The following NRXN1 variants were observed in gnomAD, a reference collection of about 807,000 sequenced individuals.
The protein encoded by NRXN1 is neurexin-1.
NRXN1 carries 39 observed loss-of-function variants against 150.9 expected under a neutral mutation model. That is an observed-to-expected ratio of 0.26 (90% CI 0.20 to 0.34). The LOEUF is 0.34. NRXN1 is among the 10% of genes least tolerant of loss of function. The pLI, the probability that NRXN1 is intolerant of heterozygous loss-of-function variation, is 1.00. For missense variants in NRXN1, 1,815 were observed against 1,949.9 expected, an observed-to-expected ratio of 0.93 and a Z score of 1.30; for synonymous variants, 924 against 757.0, an observed-to-expected ratio of 1.22 and a Z score of -3.62.
chr2:50,178,486 T>G (rs998272908), intron 18 of NRXN1, among the ~76,000 whole-genome samples: 4 of 152,100 alleles, frequency 2.6e-5, no homozygotes, highest in Admixed American at 6.6e-5. Flanking sequence ...TGAGACATAC[T>G]GCCCACAAAA....
intron 17 of NRXN1, among the ~76,000 whole-genome samples, chr2:50,433,986 T>C (rs1436808695): frequency 6.6e-6 from 1 of 151,806 alleles, no homozygotes; most frequent in Non-Finnish European, 1.5e-5. Context: ...AGGTTCTGAC[T>C]TTCACATTAA....
intron 17 of NRXN1, among the ~76,000 whole-genome samples, chr2:50,436,007 ATAAC>A (rs1325740486): frequency 1.3e-5 from 2 of 152,216 alleles, no homozygotes; most frequent in Non-Finnish European, 2.9e-5. Flanking sequence ...TATTTTACAT[ATAAC>A]TAACATAAGC....
intron 17 of NRXN1, among the ~76,000 whole-genome samples, chr2:50,443,864 G>T (rs866546167): frequency 2.0e-5 from 3 of 152,190 alleles, no homozygotes; most frequent in South Asian, 4.2e-4. Context: ...TGTCTGTGGG[G>T]ATTTTTTTCT....
chr2:50,210,290 A>G (rs1177812893), intron 18 of NRXN1, among the ~76,000 whole-genome samples: 1 of 151,936 alleles, frequency 6.6e-6, no homozygotes, highest in East Asian at 1.9e-4. Flanking sequence ...GTTTATTCAA[A>G]AAACTCTAAA....
intron 19 of NRXN1, among the ~76,000 whole-genome samples, chr2:50,057,169 T>A (rs1693785529): frequency 6.6e-6 from 1 of 152,166 alleles, no homozygotes. Context: ...GTGAAATTTG[T>A]AAGTACTTCC....
chr2:50,422,113 T>C (rs2084044818), intron 17 of NRXN1, among the ~76,000 whole-genome samples: 1 of 152,184 alleles, frequency 6.6e-6, no homozygotes, highest in Admixed American at 6.5e-5. Context: ...AGAAATATCA[T>C]GTTAAACTTG....
At chr2:50,162,134 C>G (rs964308781) in intron 18 of NRXN1, among the ~76,000 whole-genome samples, 1 of 151,982 alleles carries the variant, frequency 6.6e-6, no homozygotes, top group African/African-American at 2.4e-5. Context: ...AAAGTTATGC[C>G]CAAATTGCTC....
intron 17 of NRXN1, among the ~76,000 whole-genome samples, chr2:50,322,914 A>C (rs1193028362): frequency 6.6e-6 from 1 of 152,152 alleles, no homozygotes; most frequent in Non-Finnish European, 1.5e-5. Context: ...CTCTCTCCTA[A>C]CTGTAAAATA....
intron 2 of NRXN1, among the ~76,000 whole-genome samples, chr2:50,957,802 A>T (rs1178286592): frequency 1.3e-5 from 2 of 152,110 alleles, no homozygotes; most frequent in Admixed American, 1.3e-4. Flanking sequence ...TGAAATTATA[A>T]TACATTTCAA....
rs533869507 is a variant in NRXN1 at position 50,346,464 on chromosome 2, G to A, written c.3365-109494C>T. On this transcript the variant is annotated intron_variant, in intron 17 of 22. Transcript: ENST00000401669. This position sits in a 1 kb window ranked among gnomAD's most constrained non-coding sequence, Gnocchi z 5.0. ...GTCCACATCTCTCTCCCAGTACCTC[G>A]ACAAGGAACGCCCCTCCCACCCCTC... Among the ~76,000 whole-genome samples the A allele has an allele frequency of 2.0e-5, 3 of 152,038 alleles. No individual in the cohort carries two copies. In the South Asian group the frequency reaches 6.2e-4, roughly 32 times the overall value.
intron 8 of NRXN1, among the ~76,000 whole-genome samples, chr2:50,596,190 C>T (rs74508098): frequency 0.027 from 4,147 of 152,278 alleles, 130 homozygotes; most frequent in East Asian, 0.071. Flanking sequence ...TACATTGCTT[C>T]TTTCTCTTCT....
intron 2 of NRXN1, among the ~76,000 whole-genome samples, chr2:50,981,272 C>T (rs778014079): frequency 6.6e-6 from 1 of 151,524 alleles, no homozygotes; most frequent in Non-Finnish European, 1.5e-5. Flanking sequence ...GCCTGGCCAA[C>T]ATGGTGAAAC....
intron 17 of NRXN1, among the ~76,000 whole-genome samples, chr2:50,425,390 C>T (rs969336864): frequency 6.6e-6 from 1 of 152,148 alleles, no homozygotes; most frequent in African/African-American, 2.4e-5. Context: ...ACATCCATTA[C>T]AACCAGCAAG....
At chr2:50,504,069 T>C (rs2092095822) in intron 13 of NRXN1, among the ~76,000 whole-genome samples, 1 of 148,612 alleles carries the variant, frequency 6.7e-6, no homozygotes, top group Non-Finnish European at 1.5e-5. Flanking sequence ...TCAACAATGT[T>C]AATGTGATGA....
intron 17 of NRXN1, among the ~76,000 whole-genome samples, chr2:50,379,524 G>A (rs900613764): frequency 4.6e-5 from 7 of 152,092 alleles, no homozygotes; most frequent in African/African-American, 1.7e-4. Flanking sequence ...ACAGACCACT[G>A]AGCTAGGCAA....
intron 5 of NRXN1, among the ~76,000 whole-genome samples, chr2:50,625,676 C>T (rs571275881): frequency 2.0e-5 from 3 of 152,120 alleles, no homozygotes; most frequent in African/African-American, 7.2e-5. Flanking sequence ...AAATGTGGGT[C>T]AAAATATGAG....
In NRXN1 at chr2:50,347,232, G is replaced by A. The variant is rs1423744720; in HGVS notation, c.3365-110262C>T. 1.5e-6 allele frequency: 2 copies of A among 1,330,536 alleles called. No individual in the cohort carries two copies. Among genetic ancestry groups the A allele is most frequent in the Non-Finnish European group, 2.0e-6 (2 of 1,016,762 alleles). 82.4% of individuals were successfully genotyped at this position (1,330,536 alleles called of 1,614,324 possible). A position where few individuals can be genotyped will look rare whatever the true frequency, so the allele number is the denominator to read the frequency against. On this transcript the variant is annotated intron_variant, in intron 17 of 22. Coordinates refer to ENST00000401669, the MANE Select transcript of NRXN1 (RefSeq NM_001330078.2). The surrounding 1 kb of genome is among the most constrained non-coding windows in gnomAD (Gnocchi z 4.9). ...GGGAACAGCAAGCGCGGAGCGGGTG[G>A]CTGCTCCCAGATTTCCAGGGCTCCA...
chr2:50,442,037 CT>C (rs893320131), intron 17 of NRXN1, among the ~76,000 whole-genome samples: 1 of 152,148 alleles, frequency 6.6e-6, no homozygotes, highest in African/African-American at 2.4e-5. Context: ...AGTACACTGT[CT>C]TAACATATGT....
At chr2:50,839,017 C>G (rs1672490176) in intron 5 of NRXN1, among the ~76,000 whole-genome samples, 1 of 152,070 alleles carries the variant, frequency 6.6e-6, no homozygotes. Context: ...GAATCAAGAG[C>G]CTGGTTTTCT....
Sources: allele counts gnomAD v4.1 joint callset (sites outside exome capture counted in the v4.1 genomes callset), GRCh38; gene constraint gnomAD v4.1.1; non-coding constraint Gnocchi (gnomAD v3.1); transcripts MANE v1.5; gene names NCBI Gene and HGNC (gene_info 2026-07-23, HGNC 2026-07-21).